EFCAB6: variants seen among roughly 807,000 people sequenced by gnomAD.
The protein encoded by EFCAB6 is EF-hand calcium-binding domain-containing protein 6.
EFCAB6 carries 156 observed loss-of-function variants against 169.8 expected under a neutral mutation model. The observed-to-expected ratio is 0.92, with a 90% CI of 0.81 to 1.05. The LOEUF is 1.05. Ranked by LOEUF, EFCAB6 falls within the 50% of genes least tolerant of loss-of-function variation. The pLI is 0.00. For synonymous variants in EFCAB6, 698 were observed against 676.4 expected (o/e 1.03, Z -0.50); for missense variants, 1,800 against 1,829.1 (o/e 0.98, Z 0.29).
chr22:43,647,077 T>C (rs965430286), intron 17 of EFCAB6, among the ~76,000 whole-genome samples: 9 of 151,942 alleles, frequency 5.9e-5, no homozygotes, highest in Admixed American at 3.3e-4. Flanking sequence ...GACAGGGGTA[T>C]ACGGGAACTT....
At chr22:43,609,308 G>A (rs1004755241) in intron 21 of EFCAB6, among the ~76,000 whole-genome samples, 4 of 152,178 alleles carry the variant, frequency 2.6e-5, no homozygotes, top group African/African-American at 9.7e-5. Flanking sequence ...ACATTGTACT[G>A]CGGGGTCTCA....
At chr22:43,575,869 G>A (rs1438239542) in intron 26 of EFCAB6, among the ~76,000 whole-genome samples, 1 of 152,110 alleles carries the variant, frequency 6.6e-6, no homozygotes, top group Admixed American at 6.6e-5. Flanking sequence ...GATTACACAT[G>A]TTAATATATA....
intron 25 of EFCAB6, among the ~76,000 whole-genome samples, chr22:43,580,077 G>A (rs1202601640): frequency 6.6e-6 from 1 of 152,258 alleles, no homozygotes; most frequent in South Asian, 2.1e-4. Flanking sequence ...TGAAGTCTCT[G>A]TGCCACAACC....
intron 20 of EFCAB6, among the ~76,000 whole-genome samples, chr22:43,618,242 G>A (rs1277611530): frequency 6.6e-6 from 1 of 150,904 alleles, no homozygotes; most frequent in African/African-American, 2.4e-5. Context: ...GAAAGAGAGA[G>A]AAAGAGAAAG....
chr22:43,695,640 C>T (rs1023440335), intron 10 of EFCAB6, among the ~76,000 whole-genome samples: 3 of 151,906 alleles, frequency 2.0e-5, no homozygotes, highest in Admixed American at 6.6e-5. Flanking sequence ...GAGAATAGAC[C>T]GACAGAGACT....
At chr22:43,709,759 G>C (rs1312647714) in intron 10 of EFCAB6, among the ~76,000 whole-genome samples, 1 of 152,138 alleles carries the variant, frequency 6.6e-6, no homozygotes, top group East Asian at 1.9e-4. Context: ...ATAAGTTTTA[G>C]CGAGGCAAGA....
chr22:43,616,921 C>T (rs944749319), intron 20 of EFCAB6, among the ~76,000 whole-genome samples: 1 of 152,222 alleles, frequency 6.6e-6, no homozygotes, highest in African/African-American at 2.4e-5. Flanking sequence ...TTTCCTTCTT[C>T]ACCTGACTCC....
chr22:43,604,624 GAGT>G, intron 22 of EFCAB6, among the ~76,000 whole-genome samples: 1 of 152,026 alleles, frequency 6.6e-6, no homozygotes, highest in Non-Finnish European at 1.5e-5. Context: ...GCCAGGCACC[GAGT>G]AGGTTCTCTC....
rs1470935916 is a variant in EFCAB6, at chr22:43,631,997, T to C, written c.2232+108A>G. 2.0e-6 allele frequency: 3 copies of C among 1,471,796 alleles called. No individual in the cohort carries two copies. In the South Asian group the frequency reaches 4.2e-5, roughly 21 times the overall value. The allele number at this position is 1,471,796 out of a possible 1,614,324, so 91.2% of individuals were successfully genotyped here. On this transcript the variant is annotated intron_variant, in intron 19 of 31. Coordinates refer to ENST00000262726, the MANE Select transcript of EFCAB6 (RefSeq NM_022785.4). ...TGCAGAGGGAAATGCTCTGTGTCCCTTGGGCTGACTGGGACATGACCTACA... is the reference window on the plus strand; with the variant it reads ...TGCAGAGGGAAATGCTCTGTGTCCCCTGGGCTGACTGGGACATGACCTACA...
intron 20 of EFCAB6, among the ~76,000 whole-genome samples, chr22:43,625,816 A>G (rs1176894220): frequency 6.6e-6 from 1 of 152,240 alleles, no homozygotes; most frequent in East Asian, 1.9e-4. Flanking sequence ...GGTGAAGAGG[A>G]GGTAGGAGGC....
chr22:43,748,650 C>A (rs1044452620), intron 6 of EFCAB6, among the ~76,000 whole-genome samples: 3 of 152,162 alleles, frequency 2.0e-5, no homozygotes, highest in Non-Finnish European at 2.9e-5. Context: ...GCTCTAGGAA[C>A]TGTTCAAGGC....
chr22:43,562,395 C>T (rs2049093636), intron 26 of EFCAB6, among the ~76,000 whole-genome samples: 1 of 152,212 alleles, frequency 6.6e-6, no homozygotes, highest in Admixed American at 6.5e-5. Flanking sequence ...ATCCATGTAT[C>T]TTGCTAGTAA....
chr22:43,681,486 G>A (rs896930532), intron 12 of EFCAB6, among the ~76,000 whole-genome samples: 19 of 152,134 alleles, frequency 1.2e-4, no homozygotes, highest in African/African-American at 4.3e-4. Flanking sequence ...GTCTGGAAGT[G>A]TTCCTTCCTC....
chr22:43,775,535 T>C (rs1309448046), intron 3 of EFCAB6, among the ~76,000 whole-genome samples: 1 of 152,128 alleles, frequency 6.6e-6, no homozygotes, highest in Non-Finnish European at 1.5e-5. Flanking sequence ...CTCCACCTCC[T>C]GGGTCCAGGC....
intron 3 of EFCAB6, among the ~76,000 whole-genome samples, chr22:43,777,600 C>T (rs1258419805): frequency 6.6e-6 from 1 of 152,154 alleles, no homozygotes; most frequent in East Asian, 1.9e-4. Flanking sequence ...ACTCTTTCTC[C>T]CTCTGCCCAC....
At chr22:43,746,053 G>A (rs2060550094) in intron 6 of EFCAB6, among the ~76,000 whole-genome samples, 1 of 152,088 alleles carries the variant, frequency 6.6e-6, no homozygotes, top group African/African-American at 2.4e-5. Flanking sequence ...GTAGAGATGC[G>A]CCAAACCAGA....
chr22:43,637,086 T>C (rs1254456024), intron 17 of EFCAB6, among the ~76,000 whole-genome samples: 1 of 152,024 alleles, frequency 6.6e-6, no homozygotes, highest in Non-Finnish European at 1.5e-5. Flanking sequence ...ATAGGCAAAA[T>C]CCAGTCTGAG....
intron 2 of EFCAB6, among the ~76,000 whole-genome samples, chr22:43,782,546 G>A (rs543069312): frequency 3.9e-5 from 6 of 152,216 alleles, no homozygotes; most frequent in East Asian, 1.9e-4. Context: ...CTTCAAAAAC[G>A]GCAAAATAAA....
intron 17 of EFCAB6, among the ~76,000 whole-genome samples, chr22:43,635,869 T>A (rs1371444506): frequency 6.6e-6 from 1 of 152,162 alleles, no homozygotes; most frequent in Non-Finnish European, 1.5e-5. Context: ...TGAAGTGGAA[T>A]CGTCTCGATG....
Sources: allele counts gnomAD v4.1 joint callset (sites outside exome capture counted in the v4.1 genomes callset), GRCh38; gene constraint gnomAD v4.1.1; transcripts MANE v1.5; gene names NCBI Gene and HGNC (gene_info 2026-07-23, HGNC 2026-07-21).